Variants in GLDN observed in about 807,000 individuals in gnomAD.
GLDN encodes collomin.
A neutral mutation model predicts 56.5 loss-of-function variants in GLDN; 47 were observed. The ratio of observed to expected loss-of-function variants is 0.83; its 90% CI spans 0.66 to 1.06. The LOEUF (loss-of-function observed/expected upper bound fraction) is 1.06, where lower values mean the gene tolerates loss of function less well. GLDN is among the 50% of genes least tolerant of loss of function. The probability of loss-of-function intolerance (pLI) is 0.00; values close to 1 mark genes in which losing one functional copy is unlikely to be tolerated. For missense variants in GLDN, 782 were observed against 714.3 expected (o/e 1.09, Z -1.08); for synonymous variants, 332 against 278.8 (o/e 1.19, Z -1.90).
intron 4 of GLDN, among the ~76,000 whole-genome samples, chr15:51,390,752 C>G (rs550739798): frequency 6.6e-6 from 1 of 152,240 alleles, no homozygotes; most frequent in East Asian, 1.9e-4. Flanking sequence ...GCTGATGAAA[C>G]TGTTTGTTTT....
At chr15:51,400,342 C>A (rs1398251475) in intron 7 of GLDN, 31 bp from the exon 8 acceptor site, 2 of 1,613,970 alleles carry the variant, frequency 1.2e-6, no homozygotes, top group Non-Finnish European at 1.7e-6. Context: ...AATTGGCAGG[C>A]AAGTGACTTT....
chr15:51,404,380 G>A lies in GLDN; in HGVS notation c.1282G>A (p.Ala428Thr). 1 of 1,614,110 alleles carries A rather than the reference G, an allele frequency of 6.2e-7. No individual in the cohort carries two copies. The change falls in exon 10 of 10, where the codon GCT becomes ACT. Residue 428 changes from alanine to threonine, a missense_variant. By Grantham distance (58) the Ala-to-Thr change is moderately conservative (BLOSUM62 0). Coordinates refer to ENST00000335449, the MANE Select transcript of GLDN (RefSeq NM_181789.4). ...AAATTCCAAAACTTACTTCAATCTA[G>A]CTGTAGATGAAAAGGGCCTTTGGAT... The part of the protein sequence containing the change: ...FANSKTYFNL[A>T]VDEKGLWIIY...
chr15:51,342,528 C>G (rs2036905391), intron 1 of GLDN, among the ~76,000 whole-genome samples: 1 of 152,208 alleles, frequency 6.6e-6, no homozygotes, highest in Non-Finnish European at 1.5e-5. Flanking sequence ...TGGCTTTTCA[C>G]CTGGCATCGC....
intron 1 of GLDN, among the ~76,000 whole-genome samples, chr15:51,348,460 G>A (rs2037018485): frequency 6.6e-6 from 1 of 151,998 alleles, no homozygotes; most frequent in Non-Finnish European, 1.5e-5. Context: ...AGCCTCCTGA[G>A]TATCTGGGAC....
chr15:51,382,277 C>T (rs1008751262), intron 2 of GLDN, among the ~76,000 whole-genome samples: 5 of 152,134 alleles, frequency 3.3e-5, no homozygotes, highest in Non-Finnish European at 7.3e-5. Flanking sequence ...TTCACTGTAG[C>T]TCTCTCATAC....
At chr15:51,400,599 C>A in intron 8 of GLDN, 101 bp downstream of exon 8, 1 of 1,241,336 alleles carries the variant, frequency 8.1e-7, no homozygotes, top group Non-Finnish European at 1.1e-6. Context: ...CTGAAATCCC[C>A]GGTAGCTGGT....
intron 6 of GLDN, among the ~76,000 whole-genome samples, chr15:51,398,668 C>T (rs2038186269): frequency 6.6e-6 from 1 of 152,194 alleles, no homozygotes; most frequent in Non-Finnish European, 1.5e-5. Flanking sequence ...TGGCACCATC[C>T]CCCTCCCCAA....
intron 1 of GLDN, among the ~76,000 whole-genome samples, chr15:51,356,365 T>C (rs907874616): frequency 1.3e-5 from 2 of 152,100 alleles, no homozygotes; most frequent in Non-Finnish European, 2.9e-5. Context: ...TCAAGGATGG[T>C]GGTGCTATGG....
intron 1 of GLDN, among the ~76,000 whole-genome samples, chr15:51,345,457 A>G (rs2036960789): frequency 6.6e-6 from 1 of 152,246 alleles, no homozygotes; most frequent in African/African-American, 2.4e-5. Context: ...ACTTTAAAGC[A>G]GGAGTTACAA....
chr15:51,391,237 G>A (rs1169744431), intron 4 of GLDN, among the ~76,000 whole-genome samples: 1 of 152,142 alleles, frequency 6.6e-6, no homozygotes, highest in Non-Finnish European at 1.5e-5. Flanking sequence ...TGTGGGGGGC[G>A]CATTACAACA....
chr15:51,349,871 C>T (rs924993834), intron 1 of GLDN, among the ~76,000 whole-genome samples: 1 of 152,086 alleles, frequency 6.6e-6, no homozygotes, highest in Non-Finnish European at 1.5e-5. Context: ...TCCCGAGTAG[C>T]TGGGATTACA....
At chr15:51,354,939 GTATGGCTAAGA>G (rs2141055406) in intron 1 of GLDN, among the ~76,000 whole-genome samples, 1 of 152,302 alleles carries the variant, frequency 6.6e-6, no homozygotes, top group South Asian at 2.1e-4. Context: ...AACAATTCAC[GTATGGCTAAGA>G]TAATGGCATT....
chr15:51,393,727 T>A (rs1035509173), intron 4 of GLDN, among the ~76,000 whole-genome samples: 11 of 152,210 alleles, frequency 7.2e-5, no homozygotes, highest in African/African-American at 2.7e-4. Context: ...CCTGTGCCAC[T>A]GGGAACTACC....
At chr15:51,396,611 C>G (rs2038134152) in intron 5 of GLDN, among the ~76,000 whole-genome samples, 1 of 152,120 alleles carries the variant, frequency 6.6e-6, no homozygotes, top group African/African-American at 2.4e-5. Context: ...TTAGCAAATA[C>G]CAGAGAACAC....
intron 2 of GLDN, among the ~76,000 whole-genome samples, chr15:51,381,723 T>C (rs1022280466): frequency 6.6e-6 from 1 of 151,880 alleles, no homozygotes; most frequent in Non-Finnish European, 1.5e-5. Flanking sequence ...AGCTCATTTA[T>C]CCACAAGCTT....
In GLDN at chr15:51,341,715, G is replaced by A. The variant is rs1158589988; in HGVS notation, c.31G>A (p.Asp11Asn). 11 of 1,430,942 alleles carry A rather than the reference G, an allele frequency of 7.7e-6. No homozygotes were observed. The highest frequency in any genetic ancestry group is 9.9e-6 in the Non-Finnish European group (11 of 1,107,158). 88.6% of individuals were successfully genotyped at this position (1,430,942 alleles called of 1,614,324 possible). The change falls in exon 1 of 10, where the codon GAC becomes AAC. Residue 11 changes from aspartate (D) to asparagine (N), a missense_variant. Transcript: ENST00000335449. MARGAEGGRGDAGWGLRGALA... is the reference protein window; with the variant it reads MARGAEGGRGNAGWGLRGALA... Reference sequence around the variant, plus strand: ...CCGAGGCGCTGAGGGAGGCCGTGGGGACGCGGGTTGGGGCCTGCGTGGCGC... The same window carrying A: ...CCGAGGCGCTGAGGGAGGCCGTGGGAACGCGGGTTGGGGCCTGCGTGGCGC...
At chr15:51,379,667 G>A (rs937105839) in intron 2 of GLDN, among the ~76,000 whole-genome samples, 1 of 152,284 alleles carries the variant, frequency 6.6e-6, no homozygotes, top group East Asian at 1.9e-4. Flanking sequence ...GGCATTGTGA[G>A]CCAATTTTAG....
rs1490917543 is a variant in GLDN at position 51,341,935 on chromosome 15, A to T, written c.251A>T (p.Gln84Leu). The T allele has an allele frequency of 6.3e-7, 1 of 1,596,780 alleles. No individual in the cohort carries two copies. The highest frequency in any genetic ancestry group is 8.5e-7 in the Non-Finnish European group (1 of 1,179,222). ...CCGCGCGGGGCGTCCGCACCACCCC[A>T]AGACCCGGCCAGCTCAGCTCGCAAC... is the stretch of plus-strand genomic sequence containing the variant. ...RAPRGASAPP[Q>L]DPASSARNKR... Residue 84 changes from glutamine to leucine, a missense_variant, in exon 1 of 10, where the codon CAA becomes CTA. By Grantham distance (113) the Gln-to-Leu change is moderately radical. Transcript: ENST00000335449.
chr15:51,410,784 G>T (rs946182077), downstream of GLDN, among the ~76,000 whole-genome samples: 20 of 152,218 alleles, frequency 1.3e-4, no homozygotes, highest in African/African-American at 4.8e-4. Context: ...AAATGTATTT[G>T]TTTATTTAAA....
Sources: gnomAD v4.1 joint callset for allele counts (sites outside exome capture counted in the v4.1 genomes callset) on GRCh38, gnomAD v4.1.1 for gene constraint, MANE v1.5 for transcripts, NCBI Gene and HGNC (gene_info 2026-07-23, HGNC 2026-07-21) for gene names.